The following EPM2A variants were observed in gnomAD, a reference collection of about 807,000 sequenced individuals.
EPM2A encodes EPM2A glucan phosphatase, laforin, also known as laforin.
Under a neutral mutation model 26.5 loss-of-function variants are expected in EPM2A, and 21 were observed. That is an observed-to-expected ratio of 0.79 (90% confidence interval 0.56 to 1.14). EPM2A has a LOEUF of 1.14. Ranked by LOEUF, EPM2A falls within the 50% of genes most tolerant of loss-of-function variation. The probability of loss-of-function intolerance (pLI) is 0.00; values close to 1 mark genes in which losing one functional copy is unlikely to be tolerated. For missense variants in EPM2A, 458 were observed against 440.8 expected (o/e 1.04, Z -0.35); for synonymous variants, 217 against 177.6 (o/e 1.22, Z -1.76).
intron 1 of EPM2A, among the ~76,000 whole-genome samples, chr6:145,733,875 A>C (rs765098336): frequency 1.9e-4 from 29 of 152,072 alleles, no homozygotes; most frequent in Non-Finnish European, 4.1e-4. Flanking sequence ...TTTTCATATA[A>C]ACTTCTAAAG....
At chr6:145,693,968 C>T (rs1268541231) in intron 1 of EPM2A, among the ~76,000 whole-genome samples, 2 of 151,922 alleles carry the variant, frequency 1.3e-5, no homozygotes, top group Non-Finnish European at 2.9e-5. Flanking sequence ...AATTTAAAAA[C>T]TCACAACTAA....
At chr6:145,481,575 GC>G (rs1779611526) in intron 4 of EPM2A, among the ~76,000 whole-genome samples, 1 of 151,940 alleles carries the variant, frequency 6.6e-6, no homozygotes, top group African/African-American at 2.4e-5. Context: ...GGATCATCTG[GC>G]CCCAGTCAGG....
At chr6:145,422,937 C>A (rs1307950254) in intron 4 of EPM2A, among the ~76,000 whole-genome samples, 1 of 151,768 alleles carries the variant, frequency 6.6e-6, no homozygotes. Flanking sequence ...AAATATTTAG[C>A]CTTGCTTATG....
At chr6:145,690,543 AG>A (rs1239361977) in intron 1 of EPM2A, among the ~76,000 whole-genome samples, 30 of 143,626 alleles carry the variant, frequency 2.1e-4, no homozygotes, top group African/African-American at 2.6e-4. Context: ...AAAAAAAAAA[AG>A]AGCTAACCTC....
At chr6:145,490,484 T>A in intron 4 of EPM2A, 1 of 718,664 alleles carries the variant, frequency 1.4e-6, no homozygotes, top group Non-Finnish European at 2.6e-6. Flanking sequence ...AGATGTTCTT[T>A]AAAATGTCCA....
intron 4 of EPM2A, among the ~76,000 whole-genome samples, chr6:145,455,687 A>G (rs1779254949): frequency 6.6e-6 from 1 of 152,218 alleles, no homozygotes; most frequent in African/African-American, 2.4e-5. Flanking sequence ...ATATAAAATC[A>G]CTTTATTTTA....
At chr6:145,556,211 C>T (rs1002535046) in intron 2 of EPM2A, among the ~76,000 whole-genome samples, 16 of 152,156 alleles carry the variant, frequency 1.1e-4, no homozygotes, top group Admixed American at 3.3e-4. Context: ...ATTCCCCAGG[C>T]CTCAAACTGT....
intron 1 of EPM2A, among the ~76,000 whole-genome samples, chr6:145,701,326 T>G (rs978957197): frequency 6.6e-6 from 1 of 152,210 alleles, no homozygotes; most frequent in African/African-American, 2.4e-5. Flanking sequence ...AGCCCAGAGC[T>G]GGTCAACACC....
At chr6:145,700,340 T>G (rs1781839605) in intron 1 of EPM2A, among the ~76,000 whole-genome samples, 2 of 152,142 alleles carry the variant, frequency 1.3e-5, no homozygotes. Flanking sequence ...TGTCTAGACT[T>G]TTGTTGTTGT....
At chr6:145,624,679 G>A (rs543705193), downstream of EPM2A, among the ~76,000 whole-genome samples, 17 of 152,220 alleles carry the variant, frequency 1.1e-4, no homozygotes, top group Admixed American at 2.0e-4. Context: ...CTGATTCTGC[G>A]TTTAGCTCTT....
At chr6:145,721,887 A>G (rs1775965822) in intron 1 of EPM2A, 1 of 152,208 alleles carries the variant, frequency 6.6e-6, no homozygotes, top group Admixed American at 6.5e-5. Context: ...ATAACATTGT[A>G]GCTGCTTTAC....
intron 2 of EPM2A, among the ~76,000 whole-genome samples, chr6:145,685,090 A>G (rs1478672571): frequency 6.6e-6 from 1 of 152,234 alleles, no homozygotes; most frequent in Non-Finnish European, 1.5e-5. Flanking sequence ...AAGTTCTACA[A>G]TAAATAACAC....
chr6:145,645,566 G>T (rs926108424), intron 2 of EPM2A, among the ~76,000 whole-genome samples: 1 of 152,028 alleles, frequency 6.6e-6, no homozygotes, highest in East Asian at 1.9e-4. Context: ...CAGCCTCGAA[G>T]GTCACTGGGA....
At chr6:145,679,901 G>T (rs1780372322) in intron 2 of EPM2A, among the ~76,000 whole-genome samples, 1 of 151,944 alleles carries the variant, frequency 6.6e-6, no homozygotes, top group Non-Finnish European at 1.5e-5. Context: ...ATATACACGT[G>T]GAATACTGAT....
At chr6:145,720,909 C>T (rs1775916006) in intron 1 of EPM2A, 1 of 152,046 alleles carries the variant, frequency 6.6e-6, no homozygotes, top group Admixed American at 6.6e-5. Flanking sequence ...ACCTGTAATC[C>T]CATTACTTTG....
At chr6:145,704,360 C>A (rs1054414581) in intron 1 of EPM2A, among the ~76,000 whole-genome samples, 1 of 152,010 alleles carries the variant, frequency 6.6e-6, no homozygotes, top group Admixed American at 6.6e-5. Flanking sequence ...CAGTAGAGTG[C>A]AAGTGAAATA....
chr6:145,482,236 G>A (rs533071183), intron 4 of EPM2A, among the ~76,000 whole-genome samples: 5 of 152,220 alleles, frequency 3.3e-5, no homozygotes, highest in South Asian at 2.1e-4. Context: ...AAATTATATC[G>A]TTAGTTAACA....
At chr6:145,409,085 A>T (rs2114673427) in intron 4 of EPM2A, among the ~76,000 whole-genome samples, 2 of 152,338 alleles carry the variant, frequency 1.3e-5, no homozygotes, top group East Asian at 3.9e-4. Context: ...ACAGTGCCAT[A>T]TCTAATTCTA....
At chr6:145,480,371 T>C (rs1366911575) in intron 4 of EPM2A, among the ~76,000 whole-genome samples, 2 of 151,888 alleles carry the variant, frequency 1.3e-5, no homozygotes, top group African/African-American at 2.4e-5. Context: ...GAATTAACTA[T>C]CACAAGAACG....
Sources: allele counts gnomAD v4.1 joint callset (sites outside exome capture counted in the v4.1 genomes callset), GRCh38; gene constraint gnomAD v4.1.1; transcripts MANE v1.5; gene names NCBI Gene and HGNC (gene_info 2026-07-23, HGNC 2026-07-21).